Variants in GABRB1 observed in about 807,000 individuals in gnomAD.
GABRB1 encodes the protein gamma-aminobutyric acid receptor subunit beta-1.
In GABRB1, 17 loss-of-function variants were observed where a neutral mutation model predicts 51.6. That is an observed-to-expected ratio of 0.33 (90% CI 0.23 to 0.49). GABRB1 has a LOEUF of 0.49. Ranked by LOEUF, GABRB1 falls within the 20% of genes least tolerant of loss-of-function variation. GABRB1 has a pLI of 0.99. For synonymous variants in GABRB1, 247 were observed against 218.9 expected (o/e 1.13, Z -1.14); for missense variants, 410 against 600.6 (o/e 0.68, Z 3.32).
chr4:47,374,784 G>C (rs952629919), intron 5 of GABRB1, among the ~76,000 whole-genome samples: 2 of 152,174 alleles, frequency 1.3e-5, no homozygotes, highest in African/African-American at 4.8e-5. Flanking sequence ...GTGTATGCAA[G>C]ATCTGTACAC....
At chr4:47,191,557 G>C (rs1191777676) in intron 4 of GABRB1, among the ~76,000 whole-genome samples, 2 of 152,274 alleles carry the variant, frequency 1.3e-5, no homozygotes, top group East Asian at 3.9e-4. Flanking sequence ...AGTAGAATGA[G>C]ACTAAGAAAA....
At chr4:47,366,883 C>T (rs1727002050) in intron 5 of GABRB1, among the ~76,000 whole-genome samples, 1 of 152,118 alleles carries the variant, frequency 6.6e-6, no homozygotes, top group Admixed American at 6.5e-5. Flanking sequence ...ATTTATACTA[C>T]TTTTTAGACT....
intron 3 of GABRB1, among the ~76,000 whole-genome samples, chr4:47,074,438 G>C (rs1291167134): frequency 6.6e-6 from 1 of 152,172 alleles, no homozygotes; most frequent in Admixed American, 6.5e-5. Context: ...GCATACAAAG[G>C]CATGGAATTG....
rs150096998 is a variant in GABRB1, at chr4:47,169,308, C to T, written c.461+7839C>T. Among the ~76,000 whole-genome samples, 432 of 152,222 alleles carry T rather than the reference C, an allele frequency of 2.8e-3. 2 individuals carry two copies. The highest frequency in any genetic ancestry group is 9.3e-3 in the African/African-American group (387 of 41,554). On this transcript the variant is annotated intron_variant, in intron 4 of 8. Transcript: ENST00000295454. ...TTGTACAGTGAAAGCAGGATAAATG[C>T]TTGACTGCTTCCTCTTATTTAGCAG...
chr4:47,362,238 T>G (rs34763104), intron 5 of GABRB1, among the ~76,000 whole-genome samples: 20,557 of 151,952 alleles, frequency 0.14, 1,525 homozygotes, highest in African/African-American at 0.19. Context: ...AAAATGAGGG[T>G]CAGAGCCGTA....
intron 4 of GABRB1, among the ~76,000 whole-genome samples, chr4:47,184,795 T>A (rs1719101804): frequency 6.6e-6 from 1 of 151,910 alleles, no homozygotes; most frequent in South Asian, 2.1e-4. Context: ...GAAATACGCC[T>A]GAATTTTATA....
At chr4:47,175,346 C>A (rs1295004724) in intron 4 of GABRB1, among the ~76,000 whole-genome samples, 1 of 152,068 alleles carries the variant, frequency 6.6e-6, no homozygotes, top group African/African-American at 2.4e-5. Context: ...CATGAATCAT[C>A]ACCCCCAGCC....
At chr4:47,179,918 T>C (rs1431386562) in intron 4 of GABRB1, among the ~76,000 whole-genome samples, 1 of 152,082 alleles carries the variant, frequency 6.6e-6, no homozygotes, top group African/African-American at 2.4e-5. Flanking sequence ...AAATTACTAT[T>C]GCTAGAACTT....
chr4:47,229,243 C>T (rs533900933), intron 4 of GABRB1, among the ~76,000 whole-genome samples: 1 of 152,184 alleles, frequency 6.6e-6, no homozygotes, highest in East Asian at 1.9e-4. Flanking sequence ...CTGAAAGAAA[C>T]TGAATGAATG....
At chr4:47,383,729 A>G (rs769074702) in intron 5 of GABRB1, among the ~76,000 whole-genome samples, 9 of 152,188 alleles carry the variant, frequency 5.9e-5, no homozygotes, top group Non-Finnish European at 8.8e-5. Context: ...TAGTGAAAGT[A>G]TTATAACTTA....
chr4:47,011,922 G>A (rs1437910643), intron 1 of GABRB1, among the ~76,000 whole-genome samples: 7 of 152,128 alleles, frequency 4.6e-5, no homozygotes, highest in Admixed American at 2.6e-4. Context: ...AGTAGAATAT[G>A]ATATAATAAA....
chr4:47,295,759 G>T (rs1411842472), intron 4 of GABRB1, among the ~76,000 whole-genome samples: 1 of 152,088 alleles, frequency 6.6e-6, no homozygotes, highest in Non-Finnish European at 1.5e-5. Flanking sequence ...TACAGAGAAT[G>T]CCACAAAGAT....
At chr4:47,041,980 G>A (rs1725865668) in intron 3 of GABRB1, among the ~76,000 whole-genome samples, 1 of 151,868 alleles carries the variant, frequency 6.6e-6, no homozygotes. Flanking sequence ...GGCATATTAG[G>A]AAATCAAGAC....
intron 4 of GABRB1, among the ~76,000 whole-genome samples, chr4:47,275,546 A>G (rs1163133233): frequency 6.6e-6 from 1 of 152,166 alleles, no homozygotes; most frequent in Non-Finnish European, 1.5e-5. Context: ...AAGTCTCAGC[A>G]TAAGGAATCA....
intron 3 of GABRB1, among the ~76,000 whole-genome samples, chr4:47,047,741 G>T (rs1327068505): frequency 1.3e-5 from 2 of 152,134 alleles, no homozygotes; most frequent in African/African-American, 4.8e-5. Context: ...TTTATGAAAT[G>T]TTTGATCCAT....
chr4:47,358,353 A>ATG (rs927096180), intron 5 of GABRB1, among the ~76,000 whole-genome samples: 3 of 148,136 alleles, frequency 2.0e-5, no homozygotes, highest in Admixed American at 6.6e-5. Flanking sequence ...CATATTATAT[A>ATG]TGTGTGTGTG....
chr4:47,147,316 T>C (rs1000013325), intron 3 of GABRB1, among the ~76,000 whole-genome samples: 5 of 152,024 alleles, frequency 3.3e-5, no homozygotes, highest in African/African-American at 1.2e-4. Context: ...CCTTATTTTA[T>C]ACAACCTCAT....
At chr4:47,123,749 T>A (rs1577928803) in intron 3 of GABRB1, among the ~76,000 whole-genome samples, 1 of 77,032 alleles carries the variant, frequency 1.3e-5, no homozygotes, top group African/African-American at 5.3e-5. Flanking sequence ...ATTATATATA[T>A]AATATATTAT....
chr4:47,392,516 T>A (rs1375319438), intron 5 of GABRB1, among the ~76,000 whole-genome samples: 1 of 152,128 alleles, frequency 6.6e-6, no homozygotes, highest in Non-Finnish European at 1.5e-5. Context: ...CTAATTTTTG[T>A]ATTTTTAGTA....
Sources: gnomAD v4.1 joint callset for allele counts (sites outside exome capture counted in the v4.1 genomes callset) on GRCh38, gnomAD v4.1.1 for gene constraint, MANE v1.5 for transcripts, NCBI Gene and HGNC (gene_info 2026-07-23, HGNC 2026-07-21) for gene names.